Variants in FUBP3 observed in about 807,000 individuals in gnomAD.
The protein encoded by FUBP3 is far upstream element binding protein 3.
FUBP3 carries 28 observed loss-of-function variants against 85.6 expected under a neutral mutation model. The ratio of observed to expected loss-of-function variants is 0.33; its 90% CI spans 0.24 to 0.45. The LOEUF is 0.45. Ranked by LOEUF, FUBP3 falls within the 20% of genes least tolerant of loss-of-function variation. FUBP3 has a pLI of 1.00. For missense variants in FUBP3, 583 were observed against 755.1 expected (o/e 0.77, Z 2.67); for synonymous variants, 271 against 271.4 (o/e 1.00, Z 0.01).
intron 9 of FUBP3, among the ~76,000 whole-genome samples, chr9:130,621,197 G>T (rs1205942611): frequency 6.6e-6 from 1 of 152,118 alleles, no homozygotes; most frequent in Non-Finnish European, 1.5e-5. Context: ...TTAAAGAACC[G>T]CTAGGGCTAT....
intron 16 of FUBP3, 117 bp downstream of exon 16, chr9:130,632,395 A>G (rs1830250036): frequency 2.7e-6 from 2 of 744,266 alleles, no homozygotes; most frequent in East Asian, 2.6e-5. Flanking sequence ...CCCCTCCCCA[A>G]ATGACAAGGA....
intron 6 of FUBP3, 52 bp downstream of exon 6, chr9:130,614,397 A>C: frequency 2.2e-5 from 24 of 1,086,570 alleles, no homozygotes; most frequent in Non-Finnish European, 3.2e-5. Context: ...CCTTCCCCAA[A>C]TGGGGAGAAA....
rs1830368063 is a variant in FUBP3 at position 130,635,110 on chromosome 9, A to C, written c.1582+372A>C. 6.6e-6 allele frequency among the ~76,000 whole-genome samples: 1 copy of C among 152,150 alleles called. No homozygotes were observed. The highest frequency in any genetic ancestry group is 6.5e-5 in the Admixed American group (1 of 15,270). On this transcript the variant is annotated intron_variant, in intron 17 of 18. Transcript: ENST00000319725. This position sits in a 1 kb window ranked among gnomAD's most constrained non-coding sequence, Gnocchi z 4.3. Reference sequence around the variant, plus strand: ...CCTGGCCGGCAAACAGACCAACCAGACATCTTGTTCTCTGTCTTGGTGCTT... The same window carrying C: ...CCTGGCCGGCAAACAGACCAACCAGCCATCTTGTTCTCTGTCTTGGTGCTT...
At chr9:130,604,882 G>A (rs1759287100) in intron 2 of FUBP3, among the ~76,000 whole-genome samples, 1 of 147,834 alleles carries the variant, frequency 6.8e-6, no homozygotes, top group Non-Finnish European at 1.5e-5. Flanking sequence ...TGGCGACAGA[G>A]CAAGACTCTG....
Position 130,612,564 on chromosome 9 carries a change from T to C in FUBP3, c.274+59T>C, listed in dbSNP as rs1831800160. On this transcript the variant is annotated intron_variant, in intron 4 of 18. Coordinates refer to ENST00000319725, the MANE Select transcript of FUBP3 (RefSeq NM_003934.2). This position sits in a 1 kb window ranked among gnomAD's most constrained non-coding sequence, Gnocchi z 4.1. ...TCCTGTCTCTTCTTTTTCTCTCTTT[T>C]TTTCTGAGCTGCTTTGCCAGGATGT... 9.6e-7 allele frequency: 1 copy of C among 1,038,288 alleles called. No individual in the cohort carries two copies. The highest frequency in any genetic ancestry group is 1.6e-5 in the African/African-American group (1 of 63,322). 64.3% of individuals were successfully genotyped at this position (1,038,288 alleles called of 1,614,324 possible). A position where few individuals can be genotyped will look rare whatever the true frequency, so the allele number is the denominator to read the frequency against.
chr9:130,600,099 T>TCCTCCCTCCCTCCCTCCCTCCCTC (rs61692268), intron 2 of FUBP3, among the ~76,000 whole-genome samples: 3 of 124,958 alleles, frequency 2.4e-5, no homozygotes, highest in African/African-American at 1.1e-4. Flanking sequence ...TTTCCTTCCT[T>TCCTCCCTCCCTCCCTCCCTCCCTC]CCTCCCTCCC....
chr9:130,625,966 T>C (rs1164633476), intron 11 of FUBP3, among the ~76,000 whole-genome samples: 1 of 152,182 alleles, frequency 6.6e-6, no homozygotes, highest in Non-Finnish European at 1.5e-5. Flanking sequence ...TGACTTCCCA[T>C]AGGCCCAGTA....
chr9:130,605,395 TAA>T (rs925194624), intron 2 of FUBP3, among the ~76,000 whole-genome samples: 20 of 152,282 alleles, frequency 1.3e-4, no homozygotes, highest in African/African-American at 4.8e-4. Flanking sequence ...AGCACAAAAT[TAA>T]ACAGTGATAA....
At chr9:130,631,779 C>G in intron 14 of FUBP3, 149 bp downstream of exon 14, 4 of 831,120 alleles carry the variant, frequency 4.8e-6, no homozygotes, top group Non-Finnish European at 8.1e-6. Flanking sequence ...ACCAGCGGTC[C>G]CTCCGGCCTA....
intron 2 of FUBP3, among the ~76,000 whole-genome samples, chr9:130,606,393 C>G (rs1410781787): frequency 1.3e-5 from 2 of 152,200 alleles, no homozygotes; most frequent in Non-Finnish European, 2.9e-5. Flanking sequence ...TCCCCACCCC[C>G]CCCCAACAGA....
At position 130,579,677 on chromosome 9, in the gene FUBP3, G is replaced by T; in HGVS notation, c.-4G>T. The T allele has an allele frequency of 8.0e-7, 1 of 1,251,444 alleles. No homozygotes were observed. The highest frequency in any genetic ancestry group is 3.1e-5 in the East Asian group (1 of 32,760). 77.5% of individuals were successfully genotyped at this position (1,251,444 alleles called of 1,614,324 possible). ...CGGCGGCGGCGACGGCGGCGGGGGC[G>T]GTAATGGCGGAGCTGGTGCAGGGGC... On this transcript the variant is annotated 5_prime_UTR_variant, in exon 1 of 19. Coordinates refer to ENST00000319725, the MANE Select transcript of FUBP3 (RefSeq NM_003934.2).
At chr9:130,589,613 G>T (rs948500337) in intron 1 of FUBP3, among the ~76,000 whole-genome samples, 1 of 145,582 alleles carries the variant, frequency 6.9e-6, no homozygotes, top group Non-Finnish European at 1.5e-5. Context: ...CAAAGTGCTG[G>T]GATTACAGGC....
intron 8 of FUBP3, among the ~76,000 whole-genome samples, chr9:130,618,469 G>A (rs113401720): frequency 5.9e-4 from 90 of 152,364 alleles, no homozygotes; most frequent in Middle Eastern, 6.8e-3. Flanking sequence ...CCTGCGCCCC[G>A]AGCTGCCAGG....
At chr9:130,624,519 C>G (rs553179375) in intron 11 of FUBP3, among the ~76,000 whole-genome samples, 2 of 152,180 alleles carry the variant, frequency 1.3e-5, no homozygotes, top group Non-Finnish European at 2.9e-5. Flanking sequence ...AAATCAAGCT[C>G]GTTCAGCCTG....
At chr9:130,591,326 C>G (rs1311320195) in intron 1 of FUBP3, among the ~76,000 whole-genome samples, 1 of 152,070 alleles carries the variant, frequency 6.6e-6, no homozygotes, top group East Asian at 1.9e-4. Flanking sequence ...GCCTGTAACC[C>G]CAGCTACTCG....
chr9:130,602,440 C>T (rs549597829), intron 2 of FUBP3, among the ~76,000 whole-genome samples: 135 of 152,114 alleles, frequency 8.9e-4, no homozygotes, highest in African/African-American at 2.6e-3. Flanking sequence ...GAGGAAAAGA[C>T]GTTTGAAAAT....
intron 8 of FUBP3, among the ~76,000 whole-genome samples, chr9:130,619,971 C>T (rs1206640530): frequency 4.6e-5 from 7 of 152,196 alleles, no homozygotes; most frequent in Non-Finnish European, 8.8e-5. Flanking sequence ...CTTAGACACC[C>T]CTTCCTGCTA....
At position 130,628,094 on chromosome 9, in the gene FUBP3, G is replaced by GCGCACACA. The variant is rs1280537209; in HGVS notation, c.1117+1590_1117+1591insGCACACAC. 3.1e-3 allele frequency among the ~76,000 whole-genome samples: 366 copies of GCGCACACA among 119,452 alleles called. 2 individuals are homozygous for GCGCACACA. The highest frequency in any genetic ancestry group is 0.025 in the East Asian group (85 of 3,368). 78.4% of individuals were successfully genotyped at this position (119,452 alleles called of 152,430 possible). On this transcript the variant is annotated intron_variant, in intron 12 of 18. Transcript: ENST00000319725. ...CACCGCACTAAACACACGCACGCACGCACGCACGCGCACACACACACACAC... is the reference window on the plus strand; with the variant it reads ...CACCGCACTAAACACACGCACGCACGCGCACACACACGCACGCGCACACACACACACAC...
chr9:130,633,444 A>G (rs1830294780), intron 16 of FUBP3, among the ~76,000 whole-genome samples: 1 of 152,014 alleles, frequency 6.6e-6, no homozygotes, highest in Non-Finnish European at 1.5e-5. Flanking sequence ...GCCAGGATTG[A>G]CTCTGGGGAC....
Sources: allele counts gnomAD v4.1 joint callset (sites outside exome capture counted in the v4.1 genomes callset), GRCh38; gene constraint gnomAD v4.1.1; non-coding constraint Gnocchi (gnomAD v3.1); transcripts MANE v1.5; gene names NCBI Gene and HGNC (gene_info 2026-07-23, HGNC 2026-07-21).